PLEKHG3: variants seen among roughly 807,000 people sequenced by gnomAD.
PLEKHG3 encodes pleckstrin homology domain-containing family G member 3.
In PLEKHG3, 62 loss-of-function variants were observed where a neutral mutation model predicts 94.9. The ratio of observed to expected loss-of-function variants is 0.65; its 90% CI spans 0.53 to 0.81. The LOEUF (loss-of-function observed/expected upper bound fraction) is 0.81. Among genes scored for constraint, PLEKHG3 ranks in the 30% least tolerant of loss-of-function variants. The pLI, the probability that PLEKHG3 is intolerant of heterozygous loss-of-function variation, is 0.00. For missense variants in PLEKHG3, 1,461 were observed against 1,619.3 expected (o/e 0.90, Z 1.68); for synonymous variants, 614 against 654.0 (o/e 0.94, Z 0.93).
At chr14:64,724,789 G>C (rs1566700203) in intron 1 of PLEKHG3, among the ~76,000 whole-genome samples, 1 of 152,224 alleles carries the variant, frequency 6.6e-6, no homozygotes, top group African/African-American at 2.4e-5. Flanking sequence ...TAGGGAGGCA[G>C]TGGGCAGGAG....
At position 64,742,312 on chromosome 14, in the gene PLEKHG3, A is replaced by G. The variant is rs943024693; in HGVS notation, c.2795A>G (p.Gln932Arg). 1.2e-6 allele frequency: 2 copies of G among 1,613,070 alleles called. No homozygotes were observed. The highest frequency in any genetic ancestry group is 3.3e-5 in the Admixed American group (2 of 60,034). Residue 932 changes from glutamine to arginine, a missense_variant, in exon 16 of 17, where the codon CAG becomes CGG. Around this residue, in one of 3 missense-constraint regions of PLEKHG3, gnomAD observed 1,201 missense variants for 1,295.5 expected, o/e 0.93. Transcript: ENST00000247226. Reference protein sequence around the residue: ...VKNKVYQLARQYSLRIKSNKP... With the variant: ...VKNKVYQLARRYSLRIKSNKP... ...AACAAGGTCTACCAGCTGGCCCGCCAGTACAGCCTCCGGATCAAGAGCAAC... is the reference window on the plus strand; with the variant it reads ...AACAAGGTCTACCAGCTGGCCCGCCGGTACAGCCTCCGGATCAAGAGCAAC...
intron 1 of PLEKHG3, among the ~76,000 whole-genome samples, chr14:64,712,526 C>T (rs1465283825): frequency 6.6e-6 from 1 of 152,178 alleles, no homozygotes; most frequent in African/African-American, 2.4e-5. Flanking sequence ...GCATACAAGT[C>T]TTACACTTCT....
chr14:64,733,280 T>G (rs2081509795), intron 12 of PLEKHG3, among the ~76,000 whole-genome samples: 1 of 151,218 alleles, frequency 6.6e-6, no homozygotes, highest in South Asian at 2.1e-4. Flanking sequence ...TTCTCCTGCC[T>G]CAGCTTGCCA....
chr14:64,738,320 C>G lies in PLEKHG3; in HGVS notation c.1405-422C>G. 1.4e-6 allele frequency: 1 copy of G among 724,956 alleles called. No individual in the cohort carries two copies. Among genetic ancestry groups the G allele is most frequent in the Non-Finnish European group, 2.0e-6 (1 of 496,736 alleles). The allele number at this position is 724,956 out of a possible 1,614,324, so 44.9% of individuals were successfully genotyped here. ...CCTCTGCTGCCCTCCTCACCCCACCCTGCCCTGGTTTTACTCCTCCCCTCA... is the reference window on the plus strand; with the variant it reads ...CCTCTGCTGCCCTCCTCACCCCACCGTGCCCTGGTTTTACTCCTCCCCTCA... On this transcript the variant is annotated intron_variant, in intron 14 of 16. Coordinates refer to ENST00000247226, the MANE Select transcript of PLEKHG3 (RefSeq NM_001308147.2). This position sits in a 1 kb window ranked among gnomAD's most constrained non-coding sequence, Gnocchi z 4.8.
intron 1 of PLEKHG3, among the ~76,000 whole-genome samples, chr14:64,712,080 G>A (rs2081072918): frequency 6.6e-6 from 1 of 152,124 alleles, no homozygotes; most frequent in Admixed American, 6.5e-5. Flanking sequence ...TTGTTGAAAA[G>A]ACTATTCTTT....
intron 1 of PLEKHG3, among the ~76,000 whole-genome samples, chr14:64,724,602 G>A (rs2081320268): frequency 6.6e-6 from 1 of 152,220 alleles, no homozygotes; most frequent in African/African-American, 2.4e-5. Context: ...AGGTCACATA[G>A]TAGCAGGCCC....
chr14:64,708,407 C>A (rs147887282), intron 1 of PLEKHG3, among the ~76,000 whole-genome samples: 1 of 151,878 alleles, frequency 6.6e-6, no homozygotes, highest in Admixed American at 6.6e-5. Context: ...CGGAGTGGGG[C>A]GGGGACAAGG....
Position 64,744,536 on chromosome 14 carries a change from T to C in PLEKHG3, c.*833T>C, listed in dbSNP as rs1050003532. On this transcript the variant is annotated 3_prime_UTR_variant, in exon 17 of 17. Transcript: ENST00000247226. The stretch of plus-strand genomic sequence containing the variant: ...GGAGGATGTGAGGGCGGGCTTTTTC[T>C]TTCTGCTGCCTAGACTCCCATGGGC... 6.6e-6 allele frequency: 1 copy of C among 152,152 alleles called. No individual in the cohort carries two copies. The highest frequency in any genetic ancestry group is 2.4e-5 in the African/African-American group (1 of 41,404). The allele number at this position is 152,152 out of a possible 1,614,324, so 9.4% of individuals were successfully genotyped here. A position where few individuals can be genotyped will look rare whatever the true frequency, so the allele number is the denominator to read the frequency against.
At chr14:64,714,670 C>G (rs1364069983) in intron 1 of PLEKHG3, among the ~76,000 whole-genome samples, 1 of 152,176 alleles carries the variant, frequency 6.6e-6, no homozygotes, top group Non-Finnish European at 1.5e-5. Flanking sequence ...GTCATCCCAG[C>G]CATGATTCTG....
Position 64,749,338 on chromosome 14 carries a change from TCTC to T in PLEKHG3, c.*5638_*5640del, listed in dbSNP as rs769116949. On this transcript the variant is annotated 3_prime_UTR_variant, in exon 17 of 17. Coordinates refer to ENST00000247226, the MANE Select transcript of PLEKHG3 (RefSeq NM_001308147.2). The surrounding 1 kb of genome is among the most constrained non-coding windows in gnomAD (Gnocchi z 4.7). ...TTTTTGGGGAAGAAGCTGAATCTCT[TCTC>T]CTTGTCTTTCTTGCCGAGGCTGGCG... 51 of 1,609,648 alleles carry T rather than the reference TCTC, an allele frequency of 3.2e-5. 1 individual carries two copies. The highest frequency in any genetic ancestry group is 8.8e-5 in the South Asian group (8 of 90,756).
Position 64,732,255 on chromosome 14 carries a change from G to A in PLEKHG3, c.1212+74G>A, listed in dbSNP as rs1594694536. 1 of 1,405,286 alleles carries A rather than the reference G, an allele frequency of 7.1e-7. No individual in the cohort carries two copies. The highest frequency in any genetic ancestry group is 2.3e-5 in the East Asian group (1 of 43,894). The allele number at this position is 1,405,286 out of a possible 1,614,324, so 87.1% of individuals were successfully genotyped here. A position where few individuals can be genotyped will look rare whatever the true frequency, so the allele number is the denominator to read the frequency against. ...GAGCCAGCTCTGCAAGGTCCATTGG[G>A]GGCTCACCTTCTGGATTTGGGCTCC... On this transcript the variant is annotated intron_variant, in intron 10 of 16. Transcript: ENST00000247226. This position sits in a 1 kb window ranked among gnomAD's most constrained non-coding sequence, Gnocchi z 4.9.
At chr14:64,742,644 C>T (rs1389084569) in intron 16 of PLEKHG3, among the ~76,000 whole-genome samples, 189 bp downstream of exon 16, 1 of 152,240 alleles carries the variant, frequency 6.6e-6, no homozygotes, top group African/African-American at 2.4e-5. Context: ...CAAGCTTGCT[C>T]TCTTGGTTAA....
rs1220958835 is a variant in PLEKHG3 at position 64,716,508 on chromosome 14, C to CACA, written c.-39-11084_-39-11082dup. Among the ~76,000 whole-genome samples, 15 of 133,460 alleles carry CACA rather than the reference C, an allele frequency of 1.1e-4. No homozygotes were observed. The highest frequency in any genetic ancestry group is 2.4e-4 in the South Asian group (1 of 4,096). The allele number at this position is 133,460 out of a possible 152,430, so 87.6% of individuals were successfully genotyped here. A position where few individuals can be genotyped will look rare whatever the true frequency, so the allele number is the denominator to read the frequency against. ...CACACACACACACAACACACACACA[C>CACA]ACACACACACACACACACACACACA... On this transcript the variant is annotated intron_variant, in intron 1 of 16. Coordinates refer to ENST00000247226, the MANE Select transcript of PLEKHG3 (RefSeq NM_001308147.2). This position sits in a 1 kb window ranked among gnomAD's most constrained non-coding sequence, Gnocchi z 5.0.
intron 13 of PLEKHG3, 169 bp downstream of exon 13, chr14:64,737,060 G>C: frequency 1.4e-6 from 1 of 691,750 alleles, no homozygotes; most frequent in Non-Finnish European, 2.7e-6. Flanking sequence ...CTGGCTGGCT[G>C]AGGAGAGGGG....
chr14:64,738,139 T>C lies in PLEKHG3; in HGVS notation c.1405-603T>C. The C allele has an allele frequency of 2.3e-6, 3 of 1,297,820 alleles. No homozygotes were observed. The highest frequency in any genetic ancestry group is 2.0e-6 in the Non-Finnish European group (2 of 993,710). The allele number at this position is 1,297,820 out of a possible 1,614,324, so 80.4% of individuals were successfully genotyped here. A position where few individuals can be genotyped will look rare whatever the true frequency, so the allele number is the denominator to read the frequency against. ...GAGAGCCTGGCGGTGGCGGAGCAGG[T>C]AGCCGACTTTGCCAGCTCCCTGCTG... is the stretch of plus-strand genomic sequence containing the variant. On this transcript the variant is annotated intron_variant, in intron 14 of 16. Transcript: ENST00000247226. The surrounding 1 kb of genome is among the most constrained non-coding windows in gnomAD (Gnocchi z 4.8).
At chr14:64,713,270 T>C (rs1200849689) in intron 1 of PLEKHG3, among the ~76,000 whole-genome samples, 1 of 152,310 alleles carries the variant, frequency 6.6e-6, no homozygotes, top group East Asian at 1.9e-4. Context: ...TTTTCTGATA[T>C]CTTGTCTGGT....
intron 3 of PLEKHG3, among the ~76,000 whole-genome samples, chr14:64,729,844 C>T (rs2081425491): frequency 6.6e-6 from 1 of 152,164 alleles, no homozygotes; most frequent in South Asian, 2.1e-4. Flanking sequence ...CCAGGACTCA[C>T]CTGTCTCTCC....
At position 64,748,037 on chromosome 14, in the gene PLEKHG3, T is replaced by C. The variant is rs1288613420; in HGVS notation, c.*4334T>C. The C allele has an allele frequency of 6.6e-6, 1 of 152,134 alleles. No homozygotes were observed. Among genetic ancestry groups the C allele is most frequent in the African/African-American group, 2.4e-5 (1 of 41,388 alleles). 9.4% of individuals were successfully genotyped at this position (152,134 alleles called of 1,614,324 possible). A position where few individuals can be genotyped will look rare whatever the true frequency, so the allele number is the denominator to read the frequency against. The stretch of plus-strand genomic sequence containing the variant: ...GGTAGATATTTGACCTCTGTACTCA[T>C]GTGACCCCCTCCCCGCCAAGACCTG... On this transcript the variant is annotated 3_prime_UTR_variant, in exon 17 of 17. Transcript: ENST00000247226.
Position 64,732,294 on chromosome 14 carries a change from T to G in PLEKHG3, c.1212+113T>G. 1 of 1,227,122 alleles carries G rather than the reference T, an allele frequency of 8.1e-7. No homozygotes were observed. Among genetic ancestry groups the G allele is most frequent in the Non-Finnish European group, 1.2e-6 (1 of 829,796 alleles). 76.0% of individuals were successfully genotyped at this position (1,227,122 alleles called of 1,614,324 possible). ...GATTTGGGCTCCAGTGGACAGTGAG[T>G]GTCAGTACAGCAGATGCCCCGGGCC... On this transcript the variant is annotated intron_variant, in intron 10 of 16. Transcript: ENST00000247226. This position sits in a 1 kb window ranked among gnomAD's most constrained non-coding sequence, Gnocchi z 4.9.
Sources: gnomAD v4.1 joint callset for allele counts (sites outside exome capture counted in the v4.1 genomes callset) on GRCh38, gnomAD v4.1.1 for gene constraint, gnomAD v4.1.1 regional missense constraint, Gnocchi (gnomAD v3.1) non-coding constraint, MANE v1.5 for transcripts, NCBI Gene and HGNC (gene_info 2026-07-23, HGNC 2026-07-21) for gene names.